The following ANK3 variants were observed in gnomAD, a reference collection of about 807,000 sequenced individuals.
The protein encoded by ANK3 is ankyrin 3, also known as ankyrin-3.
ANK3 carries 57 observed loss-of-function variants against 370.9 expected under a neutral mutation model. That is an observed-to-expected ratio of 0.15 (90% CI 0.12 to 0.19). ANK3 has a LOEUF of 0.19. Ranked by LOEUF, ANK3 falls within the 10% of genes least tolerant of loss-of-function variation. The pLI is 1.00. For missense variants in ANK3, 4,439 were observed against 5,302.1 expected, an observed-to-expected ratio of 0.84 and a Z score of 5.06; for synonymous variants, 1,929 against 1,946.3, an observed-to-expected ratio of 0.99 and a Z score of 0.23.
intron 3 of ANK3, 40 bp downstream of exon 3, chr10:60,279,010 T>C (rs762110214): frequency 1.9e-5 from 31 of 1,596,084 alleles, no homozygotes; most frequent in South Asian, 1.5e-4. Context: ...TCACAGAACA[T>C]GGCGAGTGGT....
intron 7 of ANK3, among the ~76,000 whole-genome samples, chr10:60,250,584 C>T (rs1258687087): frequency 6.6e-6 from 1 of 152,226 alleles, no homozygotes; most frequent in East Asian, 1.9e-4. Context: ...CCAGGATGGT[C>T]TCGATCTCCT....
chr10:60,292,910 G>A (rs1178999129), intron 1 of ANK3, among the ~76,000 whole-genome samples: 4 of 152,042 alleles, frequency 2.6e-5, no homozygotes, highest in Admixed American at 2.6e-4. Flanking sequence ...GTTTCACCAC[G>A]TTGGCCAGGC....
chr10:60,054,914 GTCA>G (rs1375992138), intron 42 of ANK3, among the ~76,000 whole-genome samples: 1 of 152,046 alleles, frequency 6.6e-6, no homozygotes, highest in Non-Finnish European at 1.5e-5. Flanking sequence ...CCACGTATGA[GTCA>G]TCATTTCAGT....
intron 11 of ANK3, among the ~76,000 whole-genome samples, chr10:60,205,558 T>G (rs12411380): frequency 0.25 from 37,700 of 152,124 alleles, 5,815 homozygotes; most frequent in East Asian, 0.4. Context: ...CTTAAGCATG[T>G]GTTTTAGGTT....
intron 2 of ANK3, among the ~76,000 whole-genome samples, chr10:60,410,276 C>T (rs1754806834): frequency 6.6e-6 from 1 of 151,208 alleles, no homozygotes; most frequent in Non-Finnish European, 1.5e-5. Flanking sequence ...ATATAAAAAA[C>T]TTAAAAAGTT....
rs888322110 is a variant in ANK3 at position 60,711,827 on chromosome 10, C to T, written c.57+21436G>A. Among the ~76,000 whole-genome samples the T allele has an allele frequency of 2.0e-5, 3 of 152,112 alleles. No homozygotes were observed. The East Asian group carries it at 5.8e-4, about 29-fold the overall frequency. On this transcript the variant is annotated intron_variant, in intron 1 of 43. Transcript: ENST00000373827. ...TAAACAGAAAAACTTTGGAAGCAGCCAGAGGAAATAAACACCTTACCTAAA... is the reference window on the plus strand; with the variant it reads ...TAAACAGAAAAACTTTGGAAGCAGCTAGAGGAAATAAACACCTTACCTAAA...
intron 2 of ANK3, among the ~76,000 whole-genome samples, chr10:60,471,015 G>T (rs917514972): frequency 8.6e-5 from 13 of 151,854 alleles, no homozygotes; most frequent in Admixed American, 2.0e-4. Flanking sequence ...TCACAGCACT[G>T]ATTTTTAAAA....
At chr10:60,596,923 G>C (rs1243022292) in intron 2 of ANK3, among the ~76,000 whole-genome samples, 2 of 151,886 alleles carry the variant, frequency 1.3e-5, no homozygotes, top group Non-Finnish European at 2.9e-5. Flanking sequence ...AATTAAATCA[G>C]ATTTATAAGA....
chr10:60,391,198 C>T (rs1441729332), upstream of ANK3, among the ~76,000 whole-genome samples: 3 of 152,176 alleles, frequency 2.0e-5, no homozygotes, highest in Non-Finnish European at 4.4e-5. Flanking sequence ...TGAGGCCTCA[C>T]GGTGAACCAC....
intron 7 of ANK3, among the ~76,000 whole-genome samples, chr10:60,236,156 T>C (rs2132541844): frequency 6.6e-6 from 1 of 152,310 alleles, no homozygotes. Context: ...TACTGTTTTT[T>C]TTTCTTTCTG....
intron 2 of ANK3, among the ~76,000 whole-genome samples, chr10:60,584,847 T>C (rs1196065978): frequency 6.6e-6 from 1 of 152,082 alleles, no homozygotes; most frequent in Non-Finnish European, 1.5e-5. Flanking sequence ...ATTCATTAAG[T>C]CTCTAGTATG....
At chr10:60,336,098 G>C (rs1260609292) in intron 1 of ANK3, among the ~76,000 whole-genome samples, 1 of 151,882 alleles carries the variant, frequency 6.6e-6, no homozygotes, top group Non-Finnish European at 1.5e-5. Flanking sequence ...GGCGGGGGGG[G>C]GAAGCTGGTG....
At chr10:60,434,176 T>G (rs183477612) in intron 2 of ANK3, among the ~76,000 whole-genome samples, 16 of 152,374 alleles carry the variant, frequency 1.1e-4, no homozygotes, top group Non-Finnish European at 1.9e-4. Flanking sequence ...TCATATTTCT[T>G]GATTAAAGAA....
At chr10:60,306,324 G>T (rs1334784417) in intron 1 of ANK3, among the ~76,000 whole-genome samples, 1 of 151,774 alleles carries the variant, frequency 6.6e-6, no homozygotes, top group Non-Finnish European at 1.5e-5. Flanking sequence ...TTCCATTCTT[G>T]AGTTACTTCA....
At chr10:60,709,144 A>G (rs2079663032) in intron 1 of ANK3, among the ~76,000 whole-genome samples, 1 of 152,224 alleles carries the variant, frequency 6.6e-6, no homozygotes, top group East Asian at 1.9e-4. Context: ...TTGAAGAGAC[A>G]TAGCAAGCAT....
At chr10:60,377,552 T>C (rs910346153) in intron 1 of ANK3, among the ~76,000 whole-genome samples, 3 of 152,180 alleles carry the variant, frequency 2.0e-5, no homozygotes, top group Non-Finnish European at 4.4e-5. Context: ...TTAGCTAGTT[T>C]TACTACATAA....
chr10:60,186,488 T>C (rs1591445767), intron 17 of ANK3: 4 of 582,968 alleles, frequency 6.9e-6, no homozygotes, highest in East Asian at 7.2e-5. Flanking sequence ...AGTGCTAGGA[T>C]TAAATGCCTG....
intron 1 of ANK3, among the ~76,000 whole-genome samples, chr10:60,647,203 G>A (rs2078720637): frequency 2.6e-5 from 4 of 152,082 alleles, no homozygotes; most frequent in African/African-American, 7.2e-5. Context: ...TTAGCTATGT[G>A]GTAGGCAAAG....
chr10:60,149,954 C>T (rs766927335), intron 23 of ANK3, among the ~76,000 whole-genome samples: 5 of 152,214 alleles, frequency 3.3e-5, no homozygotes, highest in Admixed American at 2.0e-4. Flanking sequence ...GGTGATCCAT[C>T]CGCCTCACCC....
Sources: gnomAD v4.1 joint callset for allele counts (sites outside exome capture counted in the v4.1 genomes callset) on GRCh38, gnomAD v4.1.1 for gene constraint, MANE v1.5 for transcripts, NCBI Gene and HGNC (gene_info 2026-07-23, HGNC 2026-07-21) for gene names.